The following KIF3A variants were observed in gnomAD, a reference collection of about 807,000 sequenced individuals.
KIF3A encodes the protein kinesin-like protein KIF3A.
In KIF3A, 27 loss-of-function variants were observed where a neutral mutation model predicts 92.6. The ratio of observed to expected loss-of-function variants is 0.29; its 90% CI spans 0.21 to 0.40. The LOEUF (loss-of-function observed/expected upper bound fraction) is 0.40. Among genes scored for constraint, KIF3A ranks in the 10% least tolerant of loss-of-function variants. KIF3A has a pLI of 1.00. For missense variants in KIF3A, 581 were observed against 872.6 expected (o/e 0.67, Z 4.21); for synonymous variants, 250 against 275.4 (o/e 0.91, Z 0.92).
chr5:132,702,519 C>A, intron 14 of KIF3A, 39 bp downstream of exon 14: 1 of 1,178,500 alleles, frequency 8.5e-7, no homozygotes, highest in South Asian at 1.4e-5. Flanking sequence ...TTTAAAAAAT[C>A]CAGAACTGCA....
At chr5:132,703,720 A>C in intron 11 of KIF3A, 101 bp from the exon 12 acceptor site, 1 of 725,162 alleles carries the variant, frequency 1.4e-6, no homozygotes, top group South Asian at 2.2e-5. Context: ...ACTCCTCAAT[A>C]ATACAAAACC....
intron 17 of KIF3A, chr5:132,699,715 C>T (rs935773847): frequency 2.4e-4 from 82 of 342,292 alleles, no homozygotes; most frequent in South Asian, 6.9e-4. Context: ...CCCGCCACCA[C>T]GCCCGGCTAA....
chr5:132,706,327 C>T (rs114530723), intron 11 of KIF3A, 124 bp downstream of exon 11: 7,272 of 545,602 alleles, frequency 0.013, 69 homozygotes, highest in Middle Eastern at 0.02. Flanking sequence ...GTTAAAAATA[C>T]AAAAGATAGA....
At chr5:132,707,510 A>G (rs1163800458) in intron 10 of KIF3A, among the ~76,000 whole-genome samples, 1 of 152,214 alleles carries the variant, frequency 6.6e-6, no homozygotes, top group Non-Finnish European at 1.5e-5. Flanking sequence ...TTAAAACAGA[A>G]AACTAAATTG....
intron 2 of KIF3A, among the ~76,000 whole-genome samples, chr5:132,729,760 A>C (rs1054085310): frequency 2.0e-5 from 3 of 152,162 alleles, no homozygotes; most frequent in Admixed American, 1.3e-4. Flanking sequence ...ACTCAGTGGC[A>C]ATTTATAGCA....
Position 132,720,715 on chromosome 5 carries a change from C to T in KIF3A, c.511-1G>A. 6.4e-7 allele frequency: 1 copy of T among 1,563,108 alleles called. No homozygotes were observed. The highest frequency in any genetic ancestry group is 8.8e-7 in the Non-Finnish European group (1 of 1,141,484). ...CTCCCACATCAGGTCTTTCTTTAAC[C>T]TAAAAAAAAATTAAGACTTTATACT... On this transcript the variant is annotated splice_acceptor_variant, in intron 4 of 18. Coordinates refer to ENST00000403231, the MANE Select transcript of KIF3A (RefSeq NM_001300791.2). LOFTEE classifies it high-confidence loss of function.
Position 132,703,431 on chromosome 5 carries a change from T to C in KIF3A, c.1466+32A>G, listed in dbSNP as rs138202567. 367 of 1,533,404 alleles carry C rather than the reference T, an allele frequency of 2.4e-4. 4 individuals carry two copies. In the African/African-American group the frequency reaches 4.0e-3, roughly 17 times the overall value. The allele number at this position is 1,533,404 out of a possible 1,614,324, so 95.0% of individuals were successfully genotyped here. ...TCCTAGGAAAAAACAGAAATTTAAA[T>C]CATGAATTCATCTCAATTCAATAAT... On this transcript the variant is annotated intron_variant, in intron 12 of 18. Transcript: ENST00000403231.
At chr5:132,728,632 G>A (rs980940330) in intron 2 of KIF3A, among the ~76,000 whole-genome samples, 5 of 152,166 alleles carry the variant, frequency 3.3e-5, no homozygotes, top group Non-Finnish European at 7.4e-5. Context: ...AGCTACTCGG[G>A]AAGGTGAAGC....
intron 18 of KIF3A, among the ~76,000 whole-genome samples, chr5:132,698,362 C>T (rs1752908310): frequency 6.6e-6 from 1 of 152,142 alleles, no homozygotes; most frequent in South Asian, 2.1e-4. Context: ...TCCCATATCC[C>T]GATTTCCCTG....
At chr5:132,718,585 T>C (rs1312749473) in intron 5 of KIF3A, among the ~76,000 whole-genome samples, 1 of 152,112 alleles carries the variant, frequency 6.6e-6, no homozygotes, top group Non-Finnish European at 1.5e-5. Flanking sequence ...GCTGGGATTA[T>C]ATGCATGAGC....
At chr5:132,721,247 T>G (rs1753813379) in intron 4 of KIF3A, 1 of 152,272 alleles carries the variant, frequency 6.6e-6, no homozygotes, top group Non-Finnish European at 1.5e-5. Flanking sequence ...TTGGAGAATT[T>G]CAAGCAACTG....
At chr5:132,736,556 G>A (rs1159767785) in intron 1 of KIF3A, among the ~76,000 whole-genome samples, 2 of 152,214 alleles carry the variant, frequency 1.3e-5, no homozygotes, top group Admixed American at 1.3e-4. Flanking sequence ...TCAGGGCCTA[G>A]CATGTGGTTG....
chr5:132,704,360 G>A (rs1260168852), intron 11 of KIF3A, among the ~76,000 whole-genome samples: 3 of 151,896 alleles, frequency 2.0e-5, no homozygotes, highest in Middle Eastern at 3.4e-3. Context: ...CTCAGGACCC[G>A]AAGGCTCCCT....
intron 4 of KIF3A, among the ~76,000 whole-genome samples, chr5:132,722,553 T>C (rs1045600988): frequency 1.3e-5 from 2 of 152,188 alleles, no homozygotes; most frequent in Non-Finnish European, 2.9e-5. Context: ...CCCACAGAAT[T>C]TTGAATGTCC....
Position 132,696,555 on chromosome 5 carries a change from T to C in KIF3A, c.*79A>G. On this transcript the variant is annotated 3_prime_UTR_variant, in exon 19 of 19. Coordinates refer to ENST00000403231, the MANE Select transcript of KIF3A (RefSeq NM_001300791.2). Reference sequence around the variant, plus strand: ...TCCATTAATTGAAATTATAGAGAAGTCTTCACTGTTTTAATTAAAGATTTT... The same window carrying C: ...TCCATTAATTGAAATTATAGAGAAGCCTTCACTGTTTTAATTAAAGATTTT... The C allele has an allele frequency of 1.3e-6, 1 of 794,654 alleles. No individual in the cohort carries two copies. The highest frequency in any genetic ancestry group is 2.2e-6 in the Non-Finnish European group (1 of 462,898). 49.2% of individuals were successfully genotyped at this position (794,654 alleles called of 1,614,324 possible). A position where few individuals can be genotyped will look rare whatever the true frequency, so the allele number is the denominator to read the frequency against.
At chr5:132,721,347 G>GT (rs1302673981) in intron 4 of KIF3A, 1 of 152,146 alleles carries the variant, frequency 6.6e-6, no homozygotes, top group Non-Finnish European at 1.5e-5. Context: ...TTTGAAAAAT[G>GT]TATTTAGGAT....
chr5:132,735,642 T>C (rs1220803418), intron 1 of KIF3A, among the ~76,000 whole-genome samples: 2 of 152,214 alleles, frequency 1.3e-5, no homozygotes, highest in Non-Finnish European at 2.9e-5. Context: ...ATCACCATCA[T>C]CTTGGCCCTG....
intron 8 of KIF3A, among the ~76,000 whole-genome samples, chr5:132,712,711 G>A (rs1001807194): frequency 2.0e-5 from 3 of 152,180 alleles, no homozygotes; most frequent in Non-Finnish European, 4.4e-5. Flanking sequence ...ATTTGCAGTG[G>A]AGAAACTTTG....
intron 4 of KIF3A, 22 bp from the exon 5 acceptor site, chr5:132,720,736 A>G: frequency 7.6e-7 from 1 of 1,315,380 alleles, no homozygotes; most frequent in Non-Finnish European, 1.1e-6. Flanking sequence ...TTAAGACTTT[A>G]TACTATATCA....
Sources: allele counts gnomAD v4.1 joint callset (sites outside exome capture counted in the v4.1 genomes callset), GRCh38; gene constraint gnomAD v4.1.1; transcripts MANE v1.5; gene names NCBI Gene and HGNC (gene_info 2026-07-23, HGNC 2026-07-21).